Variants in COL25A1 observed in about 807,000 individuals in gnomAD.
COL25A1 encodes the protein collagen type XXV alpha 1 chain.
A neutral mutation model predicts 128.4 loss-of-function variants in COL25A1; 103 were observed. The ratio of observed to expected loss-of-function variants is 0.80; its 90% CI spans 0.68 to 0.94. The LOEUF is 0.94. Among genes scored for constraint, COL25A1 ranks in the 40% least tolerant of loss-of-function variants. The pLI is 0.00. For missense variants in COL25A1, 745 were observed against 840.0 expected (o/e 0.89, Z 1.40); for synonymous variants, 279 against 277.2 (o/e 1.01, Z -0.06).
chr4:108,826,818 T>G (rs1560706722), intron 33 of COL25A1, among the ~76,000 whole-genome samples: 1 of 151,928 alleles, frequency 6.6e-6, no homozygotes, highest in African/African-American at 2.4e-5. Context: ...GTTATGAGTG[T>G]CCAGTCAGAT....
At chr4:109,243,656 G>T (rs1196681792) in intron 3 of COL25A1, among the ~76,000 whole-genome samples, 4 of 152,000 alleles carry the variant, frequency 2.6e-5, no homozygotes, top group Non-Finnish European at 1.5e-5. Flanking sequence ...TATCTACAAT[G>T]AGGACAGAAC....
chr4:109,091,412 C>T (rs569616090), intron 3 of COL25A1, among the ~76,000 whole-genome samples: 3 of 152,288 alleles, frequency 2.0e-5, no homozygotes, highest in Admixed American at 1.3e-4. Context: ...CTCAAAACCA[C>T]GACAACAATT....
intron 3 of COL25A1, among the ~76,000 whole-genome samples, chr4:109,158,902 C>G (rs1453529374): frequency 6.6e-6 from 1 of 152,142 alleles, no homozygotes; most frequent in Non-Finnish European, 1.5e-5. Context: ...ACACAAGAGT[C>G]TCTTATAACA....
At chr4:109,298,705 CA>C (rs1725231736) in intron 3 of COL25A1, among the ~76,000 whole-genome samples, 1 of 152,162 alleles carries the variant, frequency 6.6e-6, no homozygotes, top group South Asian at 2.1e-4. Context: ...ATTCCTCAAG[CA>C]AAAGGGAGTA....
chr4:109,240,871 T>C (rs1039574357), intron 3 of COL25A1, among the ~76,000 whole-genome samples: 5 of 152,122 alleles, frequency 3.3e-5, no homozygotes, highest in South Asian at 4.1e-4. Flanking sequence ...ATTGTTACTG[T>C]GATCTCTTGT....
intron 3 of COL25A1, among the ~76,000 whole-genome samples, chr4:109,055,779 A>AAAT (rs1460732175): frequency 6.6e-6 from 1 of 152,202 alleles, no homozygotes; most frequent in East Asian, 1.9e-4. Context: ...TCTATGAGCT[A>AAAT]TTTGATGCAC....
intron 26 of COL25A1, among the ~76,000 whole-genome samples, chr4:108,849,277 C>T (rs866996165): frequency 7.9e-5 from 12 of 152,130 alleles, no homozygotes; most frequent in Non-Finnish European, 1.6e-4. Flanking sequence ...TTTTAATTGG[C>T]ACAGTTCAAA....
chr4:108,965,241 GA>G (rs1265685574), intron 8 of COL25A1, among the ~76,000 whole-genome samples: 2 of 152,300 alleles, frequency 1.3e-5, no homozygotes, highest in Middle Eastern at 3.4e-3. Flanking sequence ...GGAATTTTAT[GA>G]AAATGTGAAG....
intron 3 of COL25A1, among the ~76,000 whole-genome samples, chr4:109,215,699 A>T (rs1191925595): frequency 6.6e-6 from 1 of 152,102 alleles, no homozygotes; most frequent in African/African-American, 2.4e-5. Flanking sequence ...TTGTATCAGG[A>T]TTTCAGAGAA....
At chr4:109,075,024 G>T (rs933967323) in intron 3 of COL25A1, among the ~76,000 whole-genome samples, 5 of 152,136 alleles carry the variant, frequency 3.3e-5, no homozygotes, top group Admixed American at 6.5e-5. Context: ...ACAAAGAAAA[G>T]GTAATTTCAC....
chr4:109,254,066 G>A (rs112728005), intron 3 of COL25A1, among the ~76,000 whole-genome samples: 4 of 149,456 alleles, frequency 2.7e-5, no homozygotes, highest in East Asian at 2.0e-4. Flanking sequence ...CAGCCTGGGC[G>A]ACAGTGCGAG....
intron 6 of COL25A1, among the ~76,000 whole-genome samples, chr4:109,001,372 C>CAGGCATCTGAGATCCTGTGAGGT (rs1755351832): frequency 4.1e-5 from 1 of 24,146 alleles, no homozygotes. Flanking sequence ...TTAAAAGAAA[C>CAGGCATCTGAGATCCTGTGAGGT]AGGCATCTGA....
At chr4:109,156,614 G>C (rs2126111044) in intron 3 of COL25A1, among the ~76,000 whole-genome samples, 1 of 152,226 alleles carries the variant, frequency 6.6e-6, no homozygotes, top group African/African-American at 2.4e-5. Flanking sequence ...CTCATATGTT[G>C]AGATATAAAA....
At chr4:108,881,465 A>C (rs1394444588) in intron 19 of COL25A1, among the ~76,000 whole-genome samples, 2 of 152,246 alleles carry the variant, frequency 1.3e-5, no homozygotes, top group Non-Finnish European at 2.9e-5. Context: ...GAATAGCAAC[A>C]GGAAGCATTT....
rs1473531502 is a variant in COL25A1 at position 108,811,901 on chromosome 4, AT to A, written c.*2025del. Reference sequence around the variant, plus strand: ...ACATAACATAAATGAGATCATGAGGATTTTAGGTTCCTTGTCTTATGGTTAT... The same window carrying A: ...ACATAACATAAATGAGATCATGAGGATTTAGGTTCCTTGTCTTATGGTTAT... On this transcript the variant is annotated 3_prime_UTR_variant, in exon 38 of 38. Coordinates refer to ENST00000399132, the MANE Select transcript of COL25A1 (RefSeq NM_198721.4). The A allele has an allele frequency of 1.3e-5, 2 of 152,140 alleles. No homozygotes were observed. Among genetic ancestry groups the A allele is most frequent in the Non-Finnish European group, 2.9e-5 (2 of 68,002 alleles). The allele number at this position is 152,140 out of a possible 1,614,324, so 9.4% of individuals were successfully genotyped here.
intron 8 of COL25A1, among the ~76,000 whole-genome samples, chr4:108,950,806 C>T (rs775776178): frequency 7.9e-5 from 12 of 152,106 alleles, no homozygotes; most frequent in Admixed American, 2.0e-4. Context: ...CCAAGTACAG[C>T]GAAAGAAGCT....
intron 6 of COL25A1, among the ~76,000 whole-genome samples, chr4:108,996,424 A>G (rs568191879): frequency 2.0e-5 from 3 of 152,298 alleles, no homozygotes; most frequent in Non-Finnish European, 4.4e-5. Flanking sequence ...AGAGCTAACT[A>G]TCCTAAACAT....
At chr4:109,206,684 C>G (rs1777025007) in intron 3 of COL25A1, among the ~76,000 whole-genome samples, 1 of 152,174 alleles carries the variant, frequency 6.6e-6, no homozygotes. Flanking sequence ...CAATGTCTTG[C>G]AACAACTGAA....
intron 3 of COL25A1, among the ~76,000 whole-genome samples, chr4:109,155,296 C>A (rs935864136): frequency 6.6e-6 from 1 of 152,160 alleles, no homozygotes; most frequent in Non-Finnish European, 1.5e-5. Context: ...TCTGTTATCC[C>A]CCAGGCTGTT....
Sources: gnomAD v4.1 joint callset for allele counts (sites outside exome capture counted in the v4.1 genomes callset) on GRCh38, gnomAD v4.1.1 for gene constraint, MANE v1.5 for transcripts, NCBI Gene and HGNC (gene_info 2026-07-23, HGNC 2026-07-21) for gene names.